The following MTR variants were observed in gnomAD, a reference collection of about 807,000 sequenced individuals.
MTR encodes the protein methionine synthase.
MTR carries 84 observed loss-of-function variants against 154.8 expected under a neutral mutation model. The ratio of observed to expected loss-of-function variants is 0.54; its 90% CI spans 0.45 to 0.65. The LOEUF (loss-of-function observed/expected upper bound fraction) is 0.65. Among genes scored for constraint, MTR ranks in the 30% least tolerant of loss-of-function variants. The probability of loss-of-function intolerance (pLI) is 0.00; values close to 1 mark genes in which losing one functional copy is unlikely to be tolerated. For synonymous variants in MTR, 554 were observed against 553.9 expected, an observed-to-expected ratio of 1.00 and a Z score of 0.00; for missense variants, 1,275 against 1,570.2, an observed-to-expected ratio of 0.81 and a Z score of 3.18.
chr1:236,875,417 A>G (rs76169229), intron 24 of MTR, among the ~76,000 whole-genome samples: 1 of 152,170 alleles, frequency 6.6e-6, no homozygotes, highest in Non-Finnish European at 1.5e-5. Context: ...AAGATGAGAA[A>G]GTTCAAATTT....
chr1:236,801,722 G>A (rs1660709113), intron 1 of MTR, among the ~76,000 whole-genome samples: 1 of 152,152 alleles, frequency 6.6e-6, no homozygotes, highest in South Asian at 2.1e-4. Flanking sequence ...AGCTTTTCTC[G>A]CCTCTTAGCA....
intron 22 of MTR, among the ~76,000 whole-genome samples, chr1:236,868,728 GT>G (rs1363848089): frequency 2.0e-5 from 3 of 152,126 alleles, no homozygotes; most frequent in African/African-American, 7.2e-5. Flanking sequence ...ATAACCAGTG[GT>G]TCTTAATATA....
chr1:236,836,151 G>T (rs549556292), intron 14 of MTR, among the ~76,000 whole-genome samples: 1 of 152,034 alleles, frequency 6.6e-6, no homozygotes, highest in South Asian at 2.1e-4. Flanking sequence ...TTCTTCAAAA[G>T]GTGAAAATTG....
intron 18 of MTR, among the ~76,000 whole-genome samples, chr1:236,859,324 G>A (rs1197386796): frequency 6.6e-6 from 1 of 152,260 alleles, no homozygotes; most frequent in East Asian, 1.9e-4. Context: ...TGGGGGCAGA[G>A]GGATTAGGTT....
At chr1:236,890,132 TTGCCAAGTTTCCCACGGGGGGGCG>T (rs144334870) in intron 28 of MTR, among the ~76,000 whole-genome samples, 3,663 of 152,214 alleles carry the variant, frequency 0.024, 61 homozygotes, top group Non-Finnish European at 0.038. Flanking sequence ...AACCAGCCTT[TTGCCAAGTTTCCCACGGGGGGGCG>T]TGCCTGGGTG....
chr1:236,822,459 G>A (rs61831812), intron 8 of MTR, among the ~76,000 whole-genome samples: 53,358 of 151,522 alleles, frequency 0.35, 10,136 homozygotes, highest in East Asian at 0.44. Flanking sequence ...ACAGGTGTGC[G>A]CCACCATGCC....
chr1:236,871,404 A>G (rs917914812), intron 22 of MTR, among the ~76,000 whole-genome samples: 2 of 152,214 alleles, frequency 1.3e-5, no homozygotes, highest in Admixed American at 6.5e-5. Context: ...AAGCATCCAC[A>G]TAAGATGTTC....
chr1:236,897,757 C>T lies in MTR; in HGVS notation c.*113C>T, dbSNP rs1666747935. 2 of 878,256 alleles carry T rather than the reference C, an allele frequency of 2.3e-6. No homozygotes were observed. The highest frequency in any genetic ancestry group is 2.0e-5 in the Admixed American group (1 of 49,790). The allele number at this position is 878,256 out of a possible 1,614,324, so 54.4% of individuals were successfully genotyped here. ...CCTGTGTGCATCTGGCTGACACTTA[C>T]CTGCTTCTGGTTTTCGAAGACTATT... is the stretch of plus-strand genomic sequence containing the variant. On this transcript the variant is annotated 3_prime_UTR_variant, in exon 33 of 33. Transcript: ENST00000366577.
At chr1:236,810,919 C>T (rs1243501130) in intron 5 of MTR, among the ~76,000 whole-genome samples, 1 of 152,134 alleles carries the variant, frequency 6.6e-6, no homozygotes, top group African/African-American at 2.4e-5. Context: ...GGTTTGTGGT[C>T]TATTATAAAA....
intron 27 of MTR, among the ~76,000 whole-genome samples, chr1:236,888,454 A>G (rs759868410): frequency 1.3e-5 from 2 of 152,252 alleles, no homozygotes; most frequent in Non-Finnish European, 2.9e-5. Context: ...AGAACAATAT[A>G]TTAAACATCC....
rs1666933617 is a variant in MTR, at chr1:236,901,911, G to C, written c.*4267G>C. On this transcript the variant is annotated 3_prime_UTR_variant, in exon 33 of 33. Transcript: ENST00000366577. ...TTTTTCTCAACCTTCACATCCAGTT[G>C]GTTCTCAAGCCCTGGCGATTTTACG... 6.6e-6 allele frequency: 1 copy of C among 152,218 alleles called. No homozygotes were observed. The highest frequency in any genetic ancestry group is 1.5e-5 in the Non-Finnish European group (1 of 68,094). 9.4% of individuals were successfully genotyped at this position (152,218 alleles called of 1,614,324 possible). A position where few individuals can be genotyped will look rare whatever the true frequency, so the allele number is the denominator to read the frequency against.
chr1:236,801,516 T>G (rs532330134), intron 1 of MTR, among the ~76,000 whole-genome samples: 2 of 152,320 alleles, frequency 1.3e-5, no homozygotes, highest in South Asian at 4.1e-4. Flanking sequence ...GGTTGTAAGT[T>G]TGCACCCAAT....
At chr1:236,797,424 A>G (rs1660455944) in intron 1 of MTR, among the ~76,000 whole-genome samples, 3 of 152,148 alleles carry the variant, frequency 2.0e-5, no homozygotes, top group Admixed American at 2.0e-4. Context: ...AATTTTAACT[A>G]CAGCTTCTAA....
At chr1:236,847,141 C>G (rs1572256323) in intron 15 of MTR, among the ~76,000 whole-genome samples, 2 of 152,294 alleles carry the variant, frequency 1.3e-5, no homozygotes, top group African/African-American at 4.8e-5. Context: ...CCTGCCTCAG[C>G]CTCCCAAAGT....
rs59710180 is a variant in MTR, at chr1:236,823,796, C to CTT, written c.765-291_765-290dup. ...TTTAAATTTTGCTTTCAGGTCAGAT[C>CTT]TTTTTTTTTTTTTTTTTTTTTTTTT... is the stretch of plus-strand genomic sequence containing the variant. On this transcript the variant is annotated intron_variant, in intron 8 of 32. Coordinates refer to ENST00000366577, the MANE Select transcript of MTR (RefSeq NM_000254.3). Among the ~76,000 whole-genome samples the CTT allele has an allele frequency of 9.8e-3, 181 of 18,434 alleles. 62 individuals carry two copies. The highest frequency in any genetic ancestry group is 0.011 in the African/African-American group (42 of 3,816). The allele number at this position is 18,434 out of a possible 152,430, so 12.1% of individuals were successfully genotyped here.
In MTR at chr1:236,895,396, A is replaced by G. The variant is rs745380095; in HGVS notation, c.3444A>G (p.Glu1148=). The stretch of plus-strand genomic sequence containing the variant: ...AGCTCCATGAAAGAGTTCGCCGAGA[A>G]CTGTGGGCCTACTGTGGCAGTGAGC... ...AEELHERVRR[E]LWAYCGSEQL... The change falls in exon 31 of 33, where the codon GAA becomes GAG. Residue 1148 remains glutamate, a synonymous_variant. Coordinates refer to ENST00000366577, the MANE Select transcript of MTR (RefSeq NM_000254.3). The G allele has an allele frequency of 5.0e-6, 8 of 1,605,254 alleles. No homozygotes were observed. Among genetic ancestry groups the G allele is most frequent in the African/African-American group, 1.3e-5 (1 of 74,810 alleles).
chr1:236,863,613 A>T (rs540243694), intron 22 of MTR, 59 bp downstream of exon 22: 1 of 1,442,642 alleles, frequency 6.9e-7, no homozygotes, highest in African/African-American at 1.4e-5. Flanking sequence ...AAGCCTTTTA[A>T]CAGAATAATT....
At position 236,831,971 on chromosome 1, in the gene MTR, G is replaced by C; in HGVS notation, c.1081G>C (p.Glu361Gln). The change falls in exon 13 of 33, where the codon GAG becomes CAG. Residue 361 changes from glutamate (E) to glutamine (Q), a missense_variant. Coordinates refer to ENST00000366577, the MANE Select transcript of MTR (RefSeq NM_000254.3). ...FEGHMLLSGL[E>Q]PFRIGPYTNF... Reference sequence around the variant, plus strand: ...AAAATGCTTCTCCTTTTAAGGTCTAGAGCCCTTCAGGATTGGACCGTACAC... The same window carrying C: ...AAAATGCTTCTCCTTTTAAGGTCTACAGCCCTTCAGGATTGGACCGTACAC... 2.5e-6 allele frequency: 4 copies of C among 1,613,526 alleles called. No homozygotes were observed. The highest frequency in any genetic ancestry group is 3.4e-6 in the Non-Finnish European group (4 of 1,179,478).
rs1344328283 is a variant in MTR at position 236,812,667 on chromosome 1, A to C, written c.503-71A>C. On this transcript the variant is annotated intron_variant, in intron 5 of 32. Transcript: ENST00000366577. ...AATAGTTCACAGGTGCCAGACCTACACTCGAGATACCCTAGGGCCATTCAG... is the reference window on the plus strand; with the variant it reads ...AATAGTTCACAGGTGCCAGACCTACCCTCGAGATACCCTAGGGCCATTCAG... 2.1e-5 allele frequency: 25 copies of C among 1,193,764 alleles called. 1 individual carries two copies. The highest frequency in any genetic ancestry group is 2.8e-5 in the Non-Finnish European group (22 of 796,500). The allele number at this position is 1,193,764 out of a possible 1,614,324, so 73.9% of individuals were successfully genotyped here.
Sources: allele counts gnomAD v4.1 joint callset (sites outside exome capture counted in the v4.1 genomes callset), GRCh38; gene constraint gnomAD v4.1.1; transcripts MANE v1.5; gene names NCBI Gene and HGNC (gene_info 2026-07-23, HGNC 2026-07-21).